DMD: variants seen among roughly 807,000 people sequenced by gnomAD.
DMD encodes dystrophin.
A neutral mutation model predicts 330.1 loss-of-function variants in DMD; 63 were observed. The ratio of observed to expected loss-of-function variants is 0.19; its 90% CI spans 0.16 to 0.24. The LOEUF (loss-of-function observed/expected upper bound fraction) is 0.24. DMD is among the 10% of genes least tolerant of loss of function. DMD has a pLI of 1.00. For missense variants in DMD, 3,344 were observed against 2,684.1 expected (o/e 1.25, Z -5.43); for synonymous variants, 1,223 against 959.8 (o/e 1.27, Z -5.07).
At chrX:32,577,607 C>A (rs771938675) in intron 13 of DMD, among the ~76,000 whole-genome samples, 12 of 112,313 alleles carry the variant, frequency 1.1e-4, no homozygotes, top group Non-Finnish European at 1.5e-4. Context: ...TGCCAAGGGT[C>A]ATCTATTTTA....
At chrX:31,996,437 G>A (rs1369745630) in intron 44 of DMD, among the ~76,000 whole-genome samples, 4 of 111,501 alleles carry the variant, frequency 3.6e-5, no homozygotes, top group Non-Finnish European at 7.5e-5. Context: ...AACACTATTC[G>A]AAAGGCAAAC....
intron 16 of DMD, among the ~76,000 whole-genome samples, chrX:32,563,344 A>C (rs1353909860): frequency 1.5e-4 from 4 of 27,132 alleles, no homozygotes; most frequent in East Asian, 6.3e-4. Flanking sequence ...CTCCATCTCA[A>C]AAAAAAAAAA....
At chrX:31,453,327 A>G (rs1380328709) in intron 59 of DMD, among the ~76,000 whole-genome samples, 1 of 110,513 alleles carries the variant, frequency 9.0e-6, no homozygotes, top group Non-Finnish European at 1.9e-5. Flanking sequence ...ACGCCCAGCT[A>G]ATTTTTGTAT....
intron 7 of DMD, among the ~76,000 whole-genome samples, chrX:32,775,987 G>T (rs1457926860): frequency 8.9e-6 from 1 of 111,932 alleles, no homozygotes; most frequent in Non-Finnish European, 1.9e-5. Context: ...TTCAGAAAAA[G>T]TCAAGTCACA....
intron 76 of DMD, among the ~76,000 whole-genome samples, chrX:31,145,236 A>G (rs2036541059): frequency 8.9e-6 from 1 of 112,060 alleles, no homozygotes; most frequent in African/African-American, 3.2e-5. Context: ...CAATGCATTT[A>G]TAGTGACCCA....
chrX:31,317,800 C>T (rs12008189), intron 62 of DMD, among the ~76,000 whole-genome samples: 16,695 of 110,676 alleles, frequency 0.15, 983 homozygotes, highest in Non-Finnish European at 0.18. Context: ...CGTGAGCCAC[C>T]GCACCCGGCC....
At chrX:32,702,743 G>T (rs2064247603) in intron 7 of DMD, among the ~76,000 whole-genome samples, 1 of 111,297 alleles carries the variant, frequency 9.0e-6, no homozygotes, top group African/African-American at 3.3e-5. Context: ...CGGGGGAAAT[G>T]AAAACAAGTC....
At chrX:32,503,618 T>C (rs189078802) in intron 18 of DMD, among the ~76,000 whole-genome samples, 1,716 of 111,361 alleles carry the variant, frequency 0.015, 40 homozygotes, top group African/African-American at 0.053. Flanking sequence ...TGCAGTGGCA[T>C]GATCTCAGCT....
intron 1 of DMD, among the ~76,000 whole-genome samples, chrX:33,232,502 C>T (rs1209233781): frequency 3.6e-5 from 4 of 111,415 alleles, no homozygotes; most frequent in African/African-American, 1.3e-4. Context: ...AATCACAATT[C>T]CTTTACGTAA....
intron 5 of DMD, among the ~76,000 whole-genome samples, chrX:32,817,575 T>G (rs769326749): frequency 8.9e-6 from 1 of 112,079 alleles, no homozygotes; most frequent in Non-Finnish European, 1.9e-5. Flanking sequence ...AAGCCCCTTA[T>G]GAGATGCTGG....
intron 12 of DMD, among the ~76,000 whole-genome samples, chrX:32,597,774 G>T (rs753640940): frequency 3.6e-4 from 40 of 111,803 alleles, no homozygotes; most frequent in African/African-American, 1.3e-3. Flanking sequence ...TAGAACCAAG[G>T]TATGTTGCCT....
intron 1 of DMD, among the ~76,000 whole-genome samples, chrX:33,271,438 C>G (rs757013803): frequency 5.1e-4 from 56 of 110,837 alleles, no homozygotes; most frequent in African/African-American, 1.8e-3. Flanking sequence ...AATCTCCACT[C>G]TGAACACTGC....
intron 3 of DMD, among the ~76,000 whole-genome samples, chrX:32,846,725 A>T (rs1476711166): frequency 2.1e-3 from 15 of 7,008 alleles, no homozygotes; most frequent in African/African-American, 5.6e-3. Flanking sequence ...TTTAGATTTA[A>T]AAAAAAAAAA....
intron 41 of DMD, among the ~76,000 whole-genome samples, chrX:32,315,478 A>G (rs1025498317): frequency 1.8e-4 from 20 of 110,435 alleles, no homozygotes; most frequent in Non-Finnish European, 9.5e-5. Context: ...ACAAACCTGC[A>G]CGTTCTGTAC....
Position 31,478,390 on chromosome X carries a change from G to A in DMD, c.8669-16C>T, listed in dbSNP as rs200459686. 3.3e-6 allele frequency: 4 copies of A among 1,209,590 alleles called. No individual in the cohort carries two copies. The East Asian group carries it at 1.2e-4, about 36-fold the overall frequency. ...GGAGGCAGCTCTAAATTGGCAATAT[G>A]ACAAGGTTTTAGGCCACATTCTTTT... On this transcript the variant is annotated splice_polypyrimidine_tract_variant and intron_variant, in intron 58 of 78. Transcript: ENST00000357033.
chrX:33,174,887 G>A (rs2049564235), intron 1 of DMD, among the ~76,000 whole-genome samples: 1 of 111,885 alleles, frequency 8.9e-6, no homozygotes, highest in African/African-American at 3.2e-5. Context: ...GAATCTTGTG[G>A]ACCCCAAGAG....
chrX:32,445,610 TA>T (rs1195689457), intron 27 of DMD, among the ~76,000 whole-genome samples: 1 of 110,807 alleles, frequency 9.0e-6, no homozygotes, highest in African/African-American at 3.3e-5. Flanking sequence ...GAAATATTGT[TA>T]AAGAAGCCAA....
At chrX:31,941,481 A>G (rs1413928810) in intron 45 of DMD, among the ~76,000 whole-genome samples, 1 of 111,030 alleles carries the variant, frequency 9.0e-6, no homozygotes, top group Non-Finnish European at 1.9e-5. Flanking sequence ...CACTTGAGAA[A>G]TCTCTCTTGA....
chrX:31,189,899 C>T (rs1193953092), intron 67 of DMD, among the ~76,000 whole-genome samples: 3 of 112,610 alleles, frequency 2.7e-5, no homozygotes, highest in African/African-American at 6.5e-5. Flanking sequence ...TTTCCTTTAT[C>T]GATTACAGTA....
Sources: allele counts gnomAD v4.1 joint callset (sites outside exome capture counted in the v4.1 genomes callset), GRCh38; gene constraint gnomAD v4.1.1; transcripts MANE v1.5; gene names NCBI Gene and HGNC (gene_info 2026-07-23, HGNC 2026-07-21).